Variants in SYNE2 observed in about 807,000 individuals in gnomAD.
The protein encoded by SYNE2 is nesprin-2.
SYNE2 carries 431 observed loss-of-function variants against 856.3 expected under a neutral mutation model. The observed-to-expected ratio is 0.50, with a 90% CI of 0.47 to 0.55. The LOEUF is 0.55. SYNE2 is among the 20% of genes least tolerant of loss of function. SYNE2 has a pLI of 0.00. For synonymous variants in SYNE2, 2,923 were observed against 2,872.3 expected (o/e 1.02, Z -0.56); for missense variants, 8,129 against 8,023.2 (o/e 1.01, Z -0.50).
rs571851474 is a variant in SYNE2, at chr14:64,068,059, C to T, written c.10431+2409C>T. On this transcript the variant is annotated intron_variant, in intron 51 of 115. Coordinates refer to ENST00000555002, the MANE Select transcript of SYNE2 (RefSeq NM_182914.3). ...TTTTATAACCAATTTGATTAGGATC[C>T]CATGTCTAAGGAAAATCATCAAGGT... Among the ~76,000 whole-genome samples, 129 of 152,188 alleles carry T rather than the reference C, an allele frequency of 8.5e-4. 2 individuals are homozygous for T. In the South Asian group the frequency reaches 0.023, roughly 27 times the overall value.
At chr14:64,040,510 CTTAG>C (rs1228131904) in intron 45 of SYNE2, among the ~76,000 whole-genome samples, 3 of 151,026 alleles carry the variant, frequency 2.0e-5, no homozygotes, top group Non-Finnish European at 4.4e-5. Flanking sequence ...TCTGAAGAGA[CTTAG>C]TTAGAATATA....
At chr14:64,122,648 A>C (rs932317996) in intron 70 of SYNE2, 1 of 633,240 alleles carries the variant, frequency 1.6e-6, no homozygotes, top group Non-Finnish European at 2.8e-6. Flanking sequence ...ATTTATAACA[A>C]CTATCCGCCT....
chr14:63,841,408 A>C lies in SYNE2; in HGVS notation c.-304-11093A>C, dbSNP rs150496383. Among the ~76,000 whole-genome samples, 341 of 152,338 alleles carry C rather than the reference A, an allele frequency of 2.2e-3. 1 individual carries two copies. Among genetic ancestry groups the C allele is most frequent in the African/African-American group, 7.9e-3 (328 of 41,582 alleles). ...CATCTCTTCCCTTCTTCCGCCTTCC[A>C]TTCTCTGCCTCCATTTGCAAACCCT... On this transcript the variant is annotated intron_variant, in intron 1 of 23. Coordinates refer to the SYNE2 transcript ENST00000674003.
chr14:64,209,502 C>CT lies in SYNE2; in HGVS notation c.18465dup (p.Glu6156Ter), dbSNP rs2098629045. 1 of 1,614,082 alleles carries CT rather than the reference C, an allele frequency of 6.2e-7. No homozygotes were observed. ...CGCTTTGAGGACTGGCTCAAGTCAG[C>CT]TGAGAGGACGGCAGCCTGCCCAAAT... On this transcript the variant is annotated frameshift_variant, in exon 102 of 116. Transcript: ENST00000555002. LOFTEE classifies it high-confidence loss of function.
chr14:63,885,778 T>C (rs990955979), intron 1 of SYNE2, among the ~76,000 whole-genome samples: 5 of 152,222 alleles, frequency 3.3e-5, no homozygotes, highest in African/African-American at 4.8e-5. Flanking sequence ...GAGGTAGTTA[T>C]GCTGCTAGCT....
chr14:64,080,487 C>T lies in SYNE2; in HGVS notation c.11195C>T (p.Ser3732Phe), dbSNP rs762887753. Residue 3732 changes from serine (S) to phenylalanine (F), a missense_variant, in exon 56 of 116, where the codon TCC (serine) becomes TTC (phenylalanine). By Grantham distance (155) the Ser-to-Phe change is radical. Transcript: ENST00000555002. ...KMWDELDLWH[S>F]KLNELDSEVQ... ...TGGGACGAGTTAGATCTATGGCATT[C>T]CAAACTAAATGAGCTGGATTCTGAA... The T allele has an allele frequency of 6.2e-7, 1 of 1,614,028 alleles. No individual in the cohort carries two copies.
intron 45 of SYNE2, among the ~76,000 whole-genome samples, chr14:64,040,597 A>AATATAT (rs3031304): frequency 1.0e-3 from 149 of 142,522 alleles, no homozygotes; most frequent in African/African-American, 2.5e-3. Flanking sequence ...TGAGGTTAAA[A>AATATAT]ATATATATAT....
intron 1 of SYNE2, among the ~76,000 whole-genome samples, chr14:63,858,247 C>T (rs1052074786): frequency 4.7e-5 from 6 of 126,400 alleles, no homozygotes; most frequent in South Asian, 2.9e-4. Context: ...TACAGGTGTG[C>T]GTCTCCACAC....
chr14:63,934,580 G>A (rs760835308), intron 2 of SYNE2, among the ~76,000 whole-genome samples: 6 of 151,676 alleles, frequency 4.0e-5, no homozygotes, highest in Non-Finnish European at 7.4e-5. Context: ...CAAAATGGCC[G>A]AGGTTTCCAG....
At chr14:64,122,951 T>C (rs1177689968) in intron 70 of SYNE2, among the ~76,000 whole-genome samples, 1 of 151,718 alleles carries the variant, frequency 6.6e-6, no homozygotes, top group African/African-American at 2.4e-5. Context: ...AATACAAAAT[T>C]AGCTGGCCGT....
At chr14:63,882,824 G>C (rs575107601) in intron 1 of SYNE2, among the ~76,000 whole-genome samples, 1 of 152,256 alleles carries the variant, frequency 6.6e-6, no homozygotes, top group South Asian at 2.1e-4. Context: ...ACTCAGGATG[G>C]AGCTCAGAGA....
At chr14:63,956,976 A>AC (rs929857881) in intron 8 of SYNE2, among the ~76,000 whole-genome samples, 3 of 151,272 alleles carry the variant, frequency 2.0e-5, no homozygotes, top group Non-Finnish European at 4.4e-5. Context: ...TTTACCCCTA[A>AC]CCCCCCCATG....
chr14:64,116,870 A>G (rs1422810042), intron 66 of SYNE2, among the ~76,000 whole-genome samples: 2 of 152,240 alleles, frequency 1.3e-5, no homozygotes, highest in African/African-American at 4.8e-5. Flanking sequence ...TAGCTGTTAA[A>G]ATGAAAATCA....
chr14:63,822,062 G>T (rs570302683), intron 1 of SYNE2, among the ~76,000 whole-genome samples: 2 of 151,542 alleles, frequency 1.3e-5, no homozygotes, highest in African/African-American at 4.8e-5. Flanking sequence ...ATTGTGGCAC[G>T]TGCCTGTATT....
rs771413796 is a variant in SYNE2, at chr14:63,846,719, C to T, written c.-304-5782C>T. Among the ~76,000 whole-genome samples the T allele has an allele frequency of 1.9e-4, 29 of 152,138 alleles. 1 individual carries two copies. The highest frequency in any genetic ancestry group is 3.4e-4 in the Non-Finnish European group (23 of 67,990). On this transcript the variant is annotated intron_variant, in intron 1 of 23. Coordinates refer to the SYNE2 transcript ENST00000674003. Reference sequence around the variant, plus strand: ...CCAGGTGATTCTCCTGCCTCAGCCTCCTGAGTAGCTGGGACTACAGGCATG... The same window carrying T: ...CCAGGTGATTCTCCTGCCTCAGCCTTCTGAGTAGCTGGGACTACAGGCATG...
chr14:64,127,980 A>C (rs908106883), intron 73 of SYNE2, among the ~76,000 whole-genome samples: 1 of 152,234 alleles, frequency 6.6e-6, no homozygotes, highest in African/African-American at 2.4e-5. Context: ...AGATGTATTT[A>C]TCCATCATGA....
intron 42 of SYNE2, among the ~76,000 whole-genome samples, chr14:64,027,265 CAG>C (rs570057672): frequency 1.7e-3 from 257 of 152,214 alleles, no homozygotes; most frequent in Admixed American, 5.2e-3. Flanking sequence ...AATTATGTAA[CAG>C]AAAACAATTA....
In SYNE2 at chr14:64,125,153, A is replaced by T. The variant is rs1438923716; in HGVS notation, c.13497A>T (p.Lys4499Asn). The change falls in exon 71 of 116, where the codon AAA (lysine) becomes AAT (asparagine). Residue 4499 changes from lysine (K) to asparagine (N), a missense_variant. Lys to Asn is a moderately conservative substitution (Grantham distance 94, BLOSUM62 0). This residue lies in a region of SYNE2 where 5,410 missense variants were observed against 5,284.8 expected (regional missense o/e 1.02). Coordinates refer to ENST00000555002, the MANE Select transcript of SYNE2 (RefSeq NM_182914.3). ...NFRYPTTEEL[K>N]TYTTQLEDLR... ...GATACCCAACAACTGAAGAACTGAAAACCTATACCACCCAACTTGAAGACC... is the reference window on the plus strand; with the variant it reads ...GATACCCAACAACTGAAGAACTGAATACCTATACCACCCAACTTGAAGACC... 2 of 1,614,098 alleles carry T rather than the reference A, an allele frequency of 1.2e-6. No homozygotes were observed. Among genetic ancestry groups the T allele is most frequent in the Non-Finnish European group, 1.7e-6 (2 of 1,180,048 alleles).
intron 1 of SYNE2, among the ~76,000 whole-genome samples, chr14:63,857,839 T>C (rs1415221324): frequency 6.6e-6 from 1 of 152,222 alleles, no homozygotes; most frequent in African/African-American, 2.4e-5. Context: ...GAGTTCTTTG[T>C]GTATTCTGGA....
Sources: allele counts gnomAD v4.1 joint callset (sites outside exome capture counted in the v4.1 genomes callset), GRCh38; gene constraint gnomAD v4.1.1; regional missense constraint gnomAD v4.1.1; transcripts MANE v1.5; gene names NCBI Gene and HGNC (gene_info 2026-07-23, HGNC 2026-07-21).